KIAA1671: variants seen among roughly 807,000 people sequenced by gnomAD.
KIAA1671 encodes the protein uncharacterized protein KIAA1671.
KIAA1671 carries 52 observed loss-of-function variants against 131.2 expected under a neutral mutation model. That is an observed-to-expected ratio of 0.40 (90% CI 0.32 to 0.50). KIAA1671 has a LOEUF of 0.50. Ranked by LOEUF, KIAA1671 falls within the 20% of genes least tolerant of loss-of-function variation. The pLI, the probability that KIAA1671 is intolerant of heterozygous loss-of-function variation, is 0.73. For missense variants in KIAA1671, 2,360 were observed against 2,364.2 expected, an observed-to-expected ratio of 1.00 and a Z score of 0.04; for synonymous variants, 1,003 against 961.6, an observed-to-expected ratio of 1.04 and a Z score of -0.80.
At chr22:25,183,871 T>G (rs1448520191) in intron 10 of KIAA1671, among the ~76,000 whole-genome samples, 2 of 149,360 alleles carry the variant, frequency 1.3e-5, no homozygotes, top group Non-Finnish European at 3.0e-5. Flanking sequence ...CCTCATTTTC[T>G]TTCTTGCCAC....
At chr22:25,013,385 T>G (rs1000520355) in intron 1 of KIAA1671, 1 of 152,158 alleles carries the variant, frequency 6.6e-6, no homozygotes, top group African/African-American at 2.4e-5. Flanking sequence ...GGGGGGTGTT[T>G]GGGAAGGCTT....
At chr22:25,190,338 C>T (rs145246822) in intron 11 of KIAA1671, among the ~76,000 whole-genome samples, 11 of 152,294 alleles carry the variant, frequency 7.2e-5, no homozygotes, top group African/African-American at 2.4e-4. Context: ...TCTGACAGGA[C>T]GCAGAGATCA....
At chr22:25,093,738 C>CTCTCTCTCTCTCTT (rs1930165851) in intron 6 of KIAA1671, among the ~76,000 whole-genome samples, 1 of 88,940 alleles carries the variant, frequency 1.1e-5, no homozygotes, top group Non-Finnish European at 2.3e-5. Flanking sequence ...CACACACACA[C>CTCTCTCTCTCTCTT]TCTCTCTCTC....
chr22:25,185,339 C>T (rs1934440164), intron 11 of KIAA1671: 1 of 518,032 alleles, frequency 1.9e-6, no homozygotes, highest in Non-Finnish European at 3.3e-6. Flanking sequence ...CAGCTGGCCT[C>T]TCCTCTTCCC....
At chr22:25,102,300 G>C (rs551288490) in intron 6 of KIAA1671, 29 of 152,424 alleles carry the variant, frequency 1.9e-4, no homozygotes, top group African/African-American at 6.5e-4. Context: ...TGTTTCTTCA[G>C]TTTAGTGGGA....
In KIAA1671 at chr22:25,040,079, A is replaced by G. The variant is rs1926829149; in HGVS notation, c.2949A>G (p.Thr983=). Residue 983 remains threonine, a synonymous_variant, in exon 5 of 13, where the codon ACA becomes ACG. Coordinates refer to ENST00000358431, the MANE Select transcript of KIAA1671 (RefSeq NM_001145206.2). ...GHRRTDYVSP[T]ASALRKPQLS... ...GACGAACAGATTATGTGAGCCCCAC[A>G]GCCAGTGCCTTAAGAAAACCTCAAC... 1.9e-6 allele frequency: 3 copies of G among 1,551,630 alleles called. No homozygotes were observed. Among genetic ancestry groups the G allele is most frequent in the Admixed American group, 3.9e-5 (2 of 50,994 alleles).
chr22:24,988,379 G>A lies in KIAA1671; in HGVS notation c.-208+35607G>A, dbSNP rs181066999. ...TCTCTATTCTGACCCCCGCTCAGTG[G>A]GAAGGATTCCCATTTTTGCTTCATA... On this transcript the variant is annotated intron_variant, in intron 1 of 12. Transcript: ENST00000358431. Among the ~76,000 whole-genome samples, 430 of 152,108 alleles carry A rather than the reference G, an allele frequency of 2.8e-3. 2 individuals are homozygous for A. The highest frequency in any genetic ancestry group is 4.8e-3 in the Non-Finnish European group (328 of 68,008).
chr22:25,082,635 C>T (rs1302378877), intron 6 of KIAA1671, among the ~76,000 whole-genome samples: 1 of 152,170 alleles, frequency 6.6e-6, no homozygotes, highest in African/African-American at 2.4e-5. Flanking sequence ...GAGTTAGAGA[C>T]CAGCCTGGGT....
chr22:25,155,465 TTG>T (rs548738902), intron 6 of KIAA1671, among the ~76,000 whole-genome samples: 1 of 151,892 alleles, frequency 6.6e-6, no homozygotes, highest in African/African-American at 2.4e-5. Flanking sequence ...TTGTGTATAT[TTG>T]TGTGTATGCA....
chr22:25,042,749 A>T (rs1448936711), intron 5 of KIAA1671, among the ~76,000 whole-genome samples: 2 of 151,952 alleles, frequency 1.3e-5, no homozygotes, highest in East Asian at 3.9e-4. Flanking sequence ...CTGGGATTAC[A>T]GGCGCGAGCC....
At chr22:25,149,059 C>T (rs1308079093) in intron 6 of KIAA1671, among the ~76,000 whole-genome samples, 6 of 151,722 alleles carry the variant, frequency 4.0e-5, no homozygotes, top group Non-Finnish European at 7.4e-5. Flanking sequence ...CTGACTCTTA[C>T]GAGCACCGTA....
chr22:25,000,208 T>TAAAA (rs1404478334), intron 1 of KIAA1671, among the ~76,000 whole-genome samples: 4 of 83,926 alleles, frequency 4.8e-5, no homozygotes, highest in African/African-American at 1.9e-4. Flanking sequence ...TTTTTTTTTT[T>TAAAA]TTTGAGACGG....
chr22:25,146,314 A>T (rs1345507838), intron 6 of KIAA1671, among the ~76,000 whole-genome samples: 3 of 152,196 alleles, frequency 2.0e-5, no homozygotes, highest in African/African-American at 7.2e-5. Flanking sequence ...CTGGACTTCC[A>T]TATCAAGTAG....
rs1934188418 is a variant in KIAA1671, at chr22:25,179,511, G to A, written c.5074+1989G>A. Reference sequence around the variant, plus strand: ...GCCTTGTGCAGCACCTCCCGCTCGTGCTCGCGCGGCTCCACCAGCTGCTTC... The same window carrying A: ...GCCTTGTGCAGCACCTCCCGCTCGTACTCGCGCGGCTCCACCAGCTGCTTC... On this transcript the variant is annotated intron_variant, in intron 9 of 12. Coordinates refer to ENST00000358431, the MANE Select transcript of KIAA1671 (RefSeq NM_001145206.2). 3.7e-6 allele frequency: 6 copies of A among 1,608,802 alleles called. No homozygotes were observed. In the South Asian group the frequency reaches 5.6e-5, roughly 15 times the overall value.
At chr22:25,146,455 A>T (rs368166482) in intron 6 of KIAA1671, among the ~76,000 whole-genome samples, 42 of 152,354 alleles carry the variant, frequency 2.8e-4, no homozygotes, top group African/African-American at 9.9e-4. Context: ...CATGTTATTT[A>T]TCATGAAAAC....
chr22:24,999,482 C>T (rs1924318194), intron 1 of KIAA1671, among the ~76,000 whole-genome samples: 1 of 151,118 alleles, frequency 6.6e-6, no homozygotes, highest in Non-Finnish European at 1.5e-5. Context: ...CCTCTCTCAG[C>T]CTCCTAAAGT....
intron 1 of KIAA1671, among the ~76,000 whole-genome samples, chr22:24,971,727 G>A (rs527403792): frequency 6.6e-6 from 1 of 151,998 alleles, no homozygotes; most frequent in African/African-American, 2.4e-5. Flanking sequence ...GTATTTTTTT[G>A]GGGGGGTCGT....
At chr22:25,173,046 A>C (rs1933902475) in intron 7 of KIAA1671, among the ~76,000 whole-genome samples, 1 of 152,216 alleles carries the variant, frequency 6.6e-6, no homozygotes, top group African/African-American at 2.4e-5. Flanking sequence ...GGGCTGGGGA[A>C]GCCTCAGGAA....
At chr22:25,121,734 A>G (rs772134540) in intron 6 of KIAA1671, among the ~76,000 whole-genome samples, 1 of 152,242 alleles carries the variant, frequency 6.6e-6, no homozygotes, top group Non-Finnish European at 1.5e-5. Context: ...CACAGATATA[A>G]TAGACATAAG....
Sources: gnomAD v4.1 joint callset for allele counts (sites outside exome capture counted in the v4.1 genomes callset) on GRCh38, gnomAD v4.1.1 for gene constraint, MANE v1.5 for transcripts, NCBI Gene and HGNC (gene_info 2026-07-23, HGNC 2026-07-21) for gene names.